RBFOX1: variants seen among roughly 807,000 people sequenced by gnomAD.
RBFOX1 encodes the protein RNA binding fox-1 homolog 1, also known as RNA binding protein fox-1 homolog 1.
RBFOX1 carries 8 observed loss-of-function variants against 57.7 expected under a neutral mutation model. The ratio of observed to expected loss-of-function variants is 0.14; its 90% CI spans 0.08 to 0.25. The LOEUF is 0.25. RBFOX1 is among the 10% of genes least tolerant of loss of function. The pLI, the probability that RBFOX1 is intolerant of heterozygous loss-of-function variation, is 1.00. For synonymous variants in RBFOX1, 326 were observed against 222.4 expected (o/e 1.47, Z -4.15); for missense variants, 611 against 548.5 (o/e 1.11, Z -1.14).
At chr16:6,214,670 AGG>A (rs2152860879) in intron 1 of RBFOX1, among the ~76,000 whole-genome samples, 1 of 106,678 alleles carries the variant, frequency 9.4e-6, no homozygotes, top group Non-Finnish European at 1.9e-5. Flanking sequence ...AGAAGGAGAG[AGG>A]GAGAAGGGGA....
intron 3 of RBFOX1, among the ~76,000 whole-genome samples, chr16:7,046,073 GC>G (rs1193099265): frequency 7.2e-5 from 11 of 151,996 alleles, no homozygotes; most frequent in African/African-American, 2.4e-4. Flanking sequence ...GATTATAAAT[GC>G]CCTGTATGTC....
Position 6,019,295 on chromosome 16 carries a change from G to T in RBFOX1, c.-824G>T. 3 of 985,206 alleles carry T rather than the reference G, an allele frequency of 3.0e-6. No homozygotes were observed. The highest frequency in any genetic ancestry group is 3.6e-6 in the Non-Finnish European group (3 of 830,152). The allele number at this position is 985,206 out of a possible 1,614,324, so 61.0% of individuals were successfully genotyped here. A position where few individuals can be genotyped will look rare whatever the true frequency, so the allele number is the denominator to read the frequency against. ...TGGTCTCCCGAGCGCGGGGTTTGAA[G>T]GTCACCTCCTTTCCAGTCCCCGTGC... On this transcript the variant is annotated 5_prime_UTR_variant, in exon 1 of 16. It adds an upstream start codon to the 5' untranslated region. Coordinates refer to ENST00000550418, the MANE Select transcript of RBFOX1 (RefSeq NM_018723.4). The surrounding 1 kb of genome is among the most constrained non-coding windows in gnomAD (Gnocchi z 4.2).
chr16:7,527,371 G>A (rs574990337), intron 5 of RBFOX1, among the ~76,000 whole-genome samples: 138 of 152,144 alleles, frequency 9.1e-4, no homozygotes, highest in African/African-American at 3.2e-3. Context: ...GTCTAGTCCT[G>A]GAGAGCCAAA....
Position 6,662,130 on chromosome 16 carries a change from GGC to G in RBFOX1, c.-16+7482_-16+7483del, listed in dbSNP as rs1491117210. Among the ~76,000 whole-genome samples, 360 of 70,780 alleles carry G rather than the reference GGC, an allele frequency of 5.1e-3. 4 individuals carry two copies. Among genetic ancestry groups the G allele is most frequent in the African/African-American group, 0.014 (310 of 22,954 alleles). 46.4% of individuals were successfully genotyped at this position (70,780 alleles called of 152,430 possible). A position where few individuals can be genotyped will look rare whatever the true frequency, so the allele number is the denominator to read the frequency against. On this transcript the variant is annotated intron_variant, in intron 3 of 15. Coordinates refer to ENST00000550418, the MANE Select transcript of RBFOX1 (RefSeq NM_018723.4). ...AGGATGGTGGTTGCCGAGGGCTGGG[GGC>G]GGGGTGAAAAAAAAGGGAGGATCTT... is the stretch of plus-strand genomic sequence containing the variant.
intron 4 of RBFOX1, among the ~76,000 whole-genome samples, chr16:7,339,342 C>G (rs569664995): frequency 1.2e-4 from 18 of 152,120 alleles, no homozygotes; most frequent in Non-Finnish European, 2.5e-4. Flanking sequence ...AGATCTCTTC[C>G]AACAGGAAGT....
At chr16:5,635,237 A>G (rs2048644840) in intron 3 of RBFOX1, among the ~76,000 whole-genome samples, 2 of 152,224 alleles carry the variant, frequency 1.3e-5, no homozygotes, top group Admixed American at 1.3e-4. Context: ...GTCTCAAGCT[A>G]CTTCATTCTA....
chr16:7,445,011 GT>G (rs111846929), intron 4 of RBFOX1, among the ~76,000 whole-genome samples: 39,526 of 147,990 alleles, frequency 0.27, 6,489 homozygotes, highest in Non-Finnish European at 0.38. Context: ...TGAAGTGTTT[GT>G]TTTTTTTTTT....
intron 4 of RBFOX1, among the ~76,000 whole-genome samples, chr16:5,879,963 A>G (rs974323236): frequency 6.6e-6 from 1 of 152,164 alleles, no homozygotes; most frequent in African/African-American, 2.4e-5. Context: ...ATCTCAGGGA[A>G]CCTGTAACAA....
chr16:6,141,533 A>T (rs1220242224), intron 1 of RBFOX1, among the ~76,000 whole-genome samples: 1 of 152,050 alleles, frequency 6.6e-6, no homozygotes, highest in Non-Finnish European at 1.5e-5. Context: ...TCTAAGTTCC[A>T]TTCAACACTT....
chr16:5,374,739 TA>T lies in RBFOX1; in HGVS notation c.220-92472del, dbSNP rs1280987501. Among the ~76,000 whole-genome samples, 86 of 150,844 alleles carry T rather than the reference TA, an allele frequency of 5.7e-4. 1 individual carries two copies. The highest frequency in any genetic ancestry group is 5.5e-3 in the Admixed American group (84 of 15,164). On this transcript the variant is annotated intron_variant, in intron 1 of 2. Transcript: ENST00000585867. ...GTTTTTTTTTTTTTGAAGAATTGAC[TA>T]AAAACATCAAAAGAAGACGACTATT...
At chr16:6,688,455 T>G (rs1253566816) in intron 3 of RBFOX1, among the ~76,000 whole-genome samples, 1 of 152,114 alleles carries the variant, frequency 6.6e-6, no homozygotes, top group African/African-American at 2.4e-5. Flanking sequence ...TTCTTTTATT[T>G]AGACCCCTTG....
intron 4 of RBFOX1, among the ~76,000 whole-genome samples, chr16:5,996,799 C>G (rs578098557): frequency 5.7e-4 from 87 of 152,166 alleles, no homozygotes; most frequent in Non-Finnish European, 1.1e-3. Flanking sequence ...TCTTTCCTTT[C>G]TCCATCTCTG....
chr16:6,826,895 C>G (rs963823645), intron 3 of RBFOX1, among the ~76,000 whole-genome samples: 1 of 151,992 alleles, frequency 6.6e-6, no homozygotes, highest in Admixed American at 6.6e-5. Context: ...AGAAATTTTC[C>G]GAATAAAATC....
At chr16:6,998,404 C>T (rs9934836) in intron 3 of RBFOX1, among the ~76,000 whole-genome samples, 4 of 151,802 alleles carry the variant, frequency 2.6e-5, no homozygotes, top group Admixed American at 6.6e-5. Flanking sequence ...CTGAAGGGGG[C>T]AAAATGAAGC....
chr16:5,798,096 C>A (rs1411334259), intron 3 of RBFOX1, among the ~76,000 whole-genome samples: 3 of 152,138 alleles, frequency 2.0e-5, no homozygotes, highest in Admixed American at 1.3e-4. Context: ...TGTTACTTAA[C>A]CTTTCTGAAT....
chr16:7,273,520 A>G (rs148464729), intron 4 of RBFOX1, among the ~76,000 whole-genome samples: 339 of 152,290 alleles, frequency 2.2e-3, no homozygotes, highest in African/African-American at 7.6e-3. Flanking sequence ...TTTAGCATAT[A>G]TAAGCTCAGT....
chr16:7,235,687 T>C (rs547856914), intron 4 of RBFOX1, among the ~76,000 whole-genome samples: 4 of 152,222 alleles, frequency 2.6e-5, no homozygotes, highest in Non-Finnish European at 5.9e-5. Flanking sequence ...AATATCCTCT[T>C]TGAGGGTTGG....
chr16:5,937,200 C>G (rs888526920), intron 4 of RBFOX1, among the ~76,000 whole-genome samples: 13 of 152,178 alleles, frequency 8.5e-5, no homozygotes, highest in African/African-American at 2.9e-4. Flanking sequence ...ATTGGACTAT[C>G]TCTTTATGGA....
intron 3 of RBFOX1, among the ~76,000 whole-genome samples, chr16:6,952,952 G>A (rs1421700573): frequency 3.9e-5 from 6 of 152,066 alleles, no homozygotes; most frequent in Admixed American, 6.6e-5. Context: ...CAGCCTGGGG[G>A]ACAGAGCAAA....
Sources: allele counts gnomAD v4.1 joint callset (sites outside exome capture counted in the v4.1 genomes callset), GRCh38; gene constraint gnomAD v4.1.1; non-coding constraint Gnocchi (gnomAD v3.1); transcripts MANE v1.5; gene names NCBI Gene and HGNC (gene_info 2026-07-23, HGNC 2026-07-21).